The following PTCHD4 variants were observed in gnomAD, a reference collection of about 807,000 sequenced individuals.
The protein encoded by PTCHD4 is patched domain containing 4, also known as patched domain-containing protein 4.
PTCHD4 carries 33 observed loss-of-function variants against 58.1 expected under a neutral mutation model. The observed-to-expected ratio is 0.57, with a 90% confidence interval of 0.43 to 0.76. The LOEUF (loss-of-function observed/expected upper bound fraction) is 0.76, where lower values mean the gene tolerates loss of function less well. Among genes scored for constraint, PTCHD4 ranks in the 30% least tolerant of loss-of-function variants. The pLI, the probability that PTCHD4 is intolerant of heterozygous loss-of-function variation, is 0.00. For synonymous variants in PTCHD4, 478 were observed against 409.6 expected (o/e 1.17, Z -2.02); for missense variants, 1,058 against 1,027.1 (o/e 1.03, Z -0.41).
In PTCHD4 at chr6:47,875,259, A is replaced by G. The variant is rs372749980; in HGVS notation, c.*3044T>C. Among the ~76,000 whole-genome samples, 1 of 151,886 alleles carries G rather than the reference A, an allele frequency of 6.6e-6. No homozygotes were observed. The highest frequency in any genetic ancestry group is 2.4e-5 in the African/African-American group (1 of 41,418). Reference sequence around the variant, plus strand: ...GGCATTAGTACTTCATAAATGAACAAAACAATGAGTGCAAACTGGAAAAAC... The same window carrying G: ...GGCATTAGTACTTCATAAATGAACAGAACAATGAGTGCAAACTGGAAAAAC... On this transcript the variant is annotated 3_prime_UTR_variant, in exon 5 of 5. Transcript: ENST00000339488.
intron 4 of PTCHD4, among the ~76,000 whole-genome samples, chr6:47,908,515 T>A (rs1169464619): frequency 2.0e-5 from 3 of 152,182 alleles, no homozygotes; most frequent in Admixed American, 6.6e-5. Context: ...GATCAGCTGA[T>A]ATAAATATGA....
chr6:48,072,171 C>T (rs1764988135), intron 1 of PTCHD4, among the ~76,000 whole-genome samples: 1 of 152,108 alleles, frequency 6.6e-6, no homozygotes, highest in South Asian at 2.1e-4. Context: ...TAGGCTCTAC[C>T]TCCTTCCTCC....
At chr6:47,982,880 T>G (rs761754275) in intron 4 of PTCHD4, among the ~76,000 whole-genome samples, 8 of 152,194 alleles carry the variant, frequency 5.3e-5, no homozygotes, top group Non-Finnish European at 1.0e-4. Flanking sequence ...TGAATTAACT[T>G]ATGAATATAG....
chr6:48,080,611 C>T (rs1437413968), intron 1 of PTCHD4, among the ~76,000 whole-genome samples: 1 of 152,208 alleles, frequency 6.6e-6, no homozygotes, highest in Non-Finnish European at 1.5e-5. Flanking sequence ...ATGCCTGACA[C>T]ATAATCACAT....
At chr6:48,043,977 G>A (rs1464057949) in intron 3 of PTCHD4, among the ~76,000 whole-genome samples, 5 of 151,766 alleles carry the variant, frequency 3.3e-5, no homozygotes, top group East Asian at 3.9e-4. Context: ...TGAAGTTTGC[G>A]GGGAAGAATA....
In PTCHD4 at chr6:48,068,154, C is replaced by T; in HGVS notation, c.417+76G>A. 1 of 1,436,284 alleles carries T rather than the reference C, an allele frequency of 7.0e-7. No homozygotes were observed. The highest frequency in any genetic ancestry group is 1.4e-5 in the South Asian group (1 of 70,946). The allele number at this position is 1,436,284 out of a possible 1,614,324, so 89.0% of individuals were successfully genotyped here. ...TCCTCTAGCACTGAAATAATATCAT[C>T]CAGCACGCATTTCTTATCCTGATTT... is the stretch of plus-strand genomic sequence containing the variant. On this transcript the variant is annotated intron_variant, in intron 3 of 4. Coordinates refer to ENST00000339488, the MANE Select transcript of PTCHD4 (RefSeq NM_001384253.1). This position sits in a 1 kb window ranked among gnomAD's most constrained non-coding sequence, Gnocchi z 4.2.
rs184432807 is a variant in PTCHD4, at chr6:48,069,441, C to T, written c.-484G>A. ...CCCTGTGCCCTCGAATTCTGCTTTT[C>T]AGCGAAGAAAAGGAGCAGAGAGGAT... On this transcript the variant is annotated 5_prime_UTR_variant, in exon 2 of 5. Coordinates refer to ENST00000339488, the MANE Select transcript of PTCHD4 (RefSeq NM_001384253.1). Among the ~76,000 whole-genome samples the T allele has an allele frequency of 6.6e-6, 1 of 152,234 alleles. No individual in the cohort carries two copies. Among genetic ancestry groups the T allele is most frequent in the Admixed American group, 6.5e-5 (1 of 15,300 alleles).
rs1562037127 is a variant in PTCHD4 at position 48,068,316 on chromosome 6, C to T, written c.331G>A (p.Val111Met). 4.3e-6 allele frequency: 7 copies of T among 1,613,486 alleles called. No homozygotes were observed. The highest frequency in any genetic ancestry group is 5.1e-6 in the Non-Finnish European group (6 of 1,179,504). The change falls in exon 3 of 5, where the codon GTG (valine) becomes ATG (methionine). Residue 111 changes from valine to methionine, a missense_variant. Val to Met is a conservative substitution (Grantham distance 21, BLOSUM62 1). Coordinates refer to ENST00000339488, the MANE Select transcript of PTCHD4 (RefSeq NM_001384253.1). This position sits in a 1 kb window ranked among gnomAD's most constrained non-coding sequence, Gnocchi z 4.2. Reference protein sequence around the residue: ...DLHTPGRYGRVILLSPTGDNI... With the variant: ...DLHTPGRYGRMILLSPTGDNI... ...TCCCCGGTTGGGGAGAGGAGGATCA[C>T]CCTGCCATACCTCCCAGGGGTGTGT...
chr6:48,003,900 C>T (rs568476158), intron 4 of PTCHD4, among the ~76,000 whole-genome samples: 1 of 152,318 alleles, frequency 6.6e-6, no homozygotes, highest in African/African-American at 2.4e-5. Context: ...CAGAGCCACT[C>T]ATCTCAGGTG....
At chr6:48,040,181 C>G (rs1763793730) in intron 3 of PTCHD4, among the ~76,000 whole-genome samples, 1 of 152,076 alleles carries the variant, frequency 6.6e-6, no homozygotes, top group Non-Finnish European at 1.5e-5. Context: ...TAAGGCCATG[C>G]CACACTGGGT....
chr6:48,057,690 C>A (rs1303038955), intron 3 of PTCHD4, among the ~76,000 whole-genome samples: 1 of 152,042 alleles, frequency 6.6e-6, no homozygotes, highest in African/African-American at 2.4e-5. Context: ...GATAAGAAAC[C>A]AGGAAAGTTC....
At chr6:48,032,597 TTAAGAA>T (rs1240291200) in intron 3 of PTCHD4, among the ~76,000 whole-genome samples, 1 of 152,174 alleles carries the variant, frequency 6.6e-6, no homozygotes, top group African/African-American at 2.4e-5. Flanking sequence ...ACATATTGTA[TTAAGAA>T]TATTTTGACA....
chr6:48,108,577 A>G (rs916619897), intron 1 of PTCHD4, among the ~76,000 whole-genome samples: 34 of 152,206 alleles, frequency 2.2e-4, no homozygotes, highest in African/African-American at 7.9e-4. Context: ...CGTTGTGCAT[A>G]TGTATCCTAA....
intron 4 of PTCHD4, among the ~76,000 whole-genome samples, chr6:47,998,643 C>T (rs1198529489): frequency 6.6e-6 from 1 of 152,160 alleles, no homozygotes; most frequent in African/African-American, 2.4e-5. Flanking sequence ...CAGTGTTGGA[C>T]AGTGCTATAT....
chr6:47,894,000 T>C (rs1764456516), intron 4 of PTCHD4, among the ~76,000 whole-genome samples: 1 of 152,334 alleles, frequency 6.6e-6, no homozygotes, highest in African/African-American at 2.4e-5. Flanking sequence ...AAGAGCTTTC[T>C]CATCTCTAAT....
Position 47,865,591 on chromosome 6 carries a change from A to G in PTCHD4, c.*12712T>C, listed in dbSNP as rs1445880090. On this transcript the variant is annotated 3_prime_UTR_variant, in exon 5 of 5. Transcript: ENST00000339488. ...AGTTCTTGGGTGTTCAGGCCATCTT[A>G]CAGATATAAGTTTTGTGAATTGTAT... Among the ~76,000 whole-genome samples, 1 of 151,998 alleles carries G rather than the reference A, an allele frequency of 6.6e-6. No individual in the cohort carries two copies. Among genetic ancestry groups the G allele is most frequent in the African/African-American group, 2.4e-5 (1 of 41,524 alleles).
At chr6:47,913,272 C>T (rs1234482378) in intron 4 of PTCHD4, among the ~76,000 whole-genome samples, 1 of 151,976 alleles carries the variant, frequency 6.6e-6, no homozygotes, top group Non-Finnish European at 1.5e-5. Context: ...GACAGTGTCC[C>T]AGTGGGGAGC....
At chr6:47,946,866 T>G (rs78082357) in intron 4 of PTCHD4, among the ~76,000 whole-genome samples, 7,333 of 152,208 alleles carry the variant, frequency 0.048, 204 homozygotes, top group African/African-American at 0.063. Flanking sequence ...TTTTCAGAGA[T>G]AAGGTCTTGC....
chr6:47,878,121 C>T lies in PTCHD4; in HGVS notation c.*182G>A. On this transcript the variant is annotated 3_prime_UTR_variant, in exon 5 of 5. Coordinates refer to ENST00000339488, the MANE Select transcript of PTCHD4 (RefSeq NM_001384253.1). Reference sequence around the variant, plus strand: ...GAACAAGGTTGCAAATAACTTTTTCCTCTTTTTTTATTCCCTCTTCCCCCC... The same window carrying T: ...GAACAAGGTTGCAAATAACTTTTTCTTCTTTTTTTATTCCCTCTTCCCCCC... 2.0e-6 allele frequency: 1 copy of T among 510,180 alleles called. No homozygotes were observed. Among genetic ancestry groups the T allele is most frequent in the South Asian group, 4.1e-5 (1 of 24,492 alleles). The allele number at this position is 510,180 out of a possible 1,614,324, so 31.6% of individuals were successfully genotyped here. A position where few individuals can be genotyped will look rare whatever the true frequency, so the allele number is the denominator to read the frequency against.
Sources: allele counts gnomAD v4.1 joint callset (sites outside exome capture counted in the v4.1 genomes callset), GRCh38; gene constraint gnomAD v4.1.1; non-coding constraint Gnocchi (gnomAD v3.1); transcripts MANE v1.5; gene names NCBI Gene and HGNC (gene_info 2026-07-23, HGNC 2026-07-21).